Variants in KCND3 observed in about 807,000 individuals in gnomAD.
KCND3 encodes the protein potassium voltage-gated channel subfamily D member 3.
Under a neutral mutation model 51.1 loss-of-function variants are expected in KCND3, and 9 were observed. That is an observed-to-expected ratio of 0.18 (90% CI 0.11 to 0.31). The LOEUF (loss-of-function observed/expected upper bound fraction) is 0.31, where lower values mean the gene tolerates loss of function less well. Ranked by LOEUF, KCND3 falls within the 10% of genes least tolerant of loss-of-function variation. The pLI, the probability that KCND3 is intolerant of heterozygous loss-of-function variation, is 1.00. For missense variants in KCND3, 526 were observed against 903.8 expected (o/e 0.58, Z 5.36); for synonymous variants, 349 against 368.0 (o/e 0.95, Z 0.59).
chr1:111,921,814 G>A (rs1671487136), intron 2 of KCND3, among the ~76,000 whole-genome samples: 2 of 151,730 alleles, frequency 1.3e-5, no homozygotes, highest in African/African-American at 4.8e-5. Flanking sequence ...TTCATTGCAT[G>A]AAAAAAAAGC....
At chr1:111,818,844 T>C (rs1460084942) in intron 2 of KCND3, among the ~76,000 whole-genome samples, 5 of 152,018 alleles carry the variant, frequency 3.3e-5, no homozygotes, top group African/African-American at 4.8e-5. Context: ...CTGGGGCTGG[T>C]CCCTGAGGCA....
intron 2 of KCND3, among the ~76,000 whole-genome samples, chr1:111,829,739 T>G (rs771469818): frequency 1.3e-5 from 2 of 152,112 alleles, no homozygotes; most frequent in African/African-American, 4.8e-5. Flanking sequence ...ACTGGACATC[T>G]CCACCCAAAT....
intron 2 of KCND3, among the ~76,000 whole-genome samples, chr1:111,882,410 C>T (rs916274986): frequency 2.0e-5 from 3 of 152,222 alleles, no homozygotes; most frequent in African/African-American, 7.2e-5. Flanking sequence ...TGACCTGCTG[C>T]TGGTCTTCCC....
At chr1:111,787,716 A>C (rs758271206) in intron 2 of KCND3, among the ~76,000 whole-genome samples, 1 of 152,166 alleles carries the variant, frequency 6.6e-6, no homozygotes, top group Non-Finnish European at 1.5e-5. Context: ...CAAAAGAGTA[A>C]CAGAATCTCA....
chr1:111,984,567 A>G (rs927489678), intron 1 of KCND3, among the ~76,000 whole-genome samples: 5 of 152,128 alleles, frequency 3.3e-5, no homozygotes, highest in African/African-American at 1.2e-4. Context: ...CCTGAAATCC[A>G]TTCTGCTCAG....
chr1:111,870,586 C>T (rs552960711), intron 2 of KCND3, among the ~76,000 whole-genome samples: 9 of 152,250 alleles, frequency 5.9e-5, no homozygotes, highest in African/African-American at 1.7e-4. Context: ...AGCTAGGGTG[C>T]CTTGTTAAGA....
chr1:111,845,143 G>T (rs1208830893), intron 2 of KCND3, among the ~76,000 whole-genome samples: 1 of 152,102 alleles, frequency 6.6e-6, no homozygotes, highest in Non-Finnish European at 1.5e-5. Flanking sequence ...TAAATCCAGT[G>T]GGCGCTCTTC....
chr1:111,935,753 T>C (rs768047736), intron 2 of KCND3, among the ~76,000 whole-genome samples: 10 of 152,194 alleles, frequency 6.6e-5, no homozygotes, highest in Non-Finnish European at 1.3e-4. Context: ...ACCCTGTTCA[T>C]GTTTGTGGAA....
intron 2 of KCND3, among the ~76,000 whole-genome samples, chr1:111,924,695 A>C (rs563637920): frequency 8.5e-5 from 13 of 152,362 alleles, no homozygotes; most frequent in African/African-American, 3.1e-4. Flanking sequence ...GGGCTGCCGT[A>C]GCTCAGGGCT....
At chr1:111,828,550 C>G (rs1175940440) in intron 2 of KCND3, among the ~76,000 whole-genome samples, 33 of 152,280 alleles carry the variant, frequency 2.2e-4, no homozygotes, top group Non-Finnish European at 7.4e-5. Context: ...CTGGAAGGCT[C>G]AGAGGCATTT....
intron 2 of KCND3, among the ~76,000 whole-genome samples, chr1:111,795,930 A>G (rs193160243): frequency 7.4e-4 from 113 of 152,336 alleles, no homozygotes; most frequent in African/African-American, 2.6e-3. Context: ...TATTTCTCAA[A>G]TGATCAATGA....
chr1:111,985,407 T>C (rs1191614918), intron 1 of KCND3, among the ~76,000 whole-genome samples: 1 of 151,928 alleles, frequency 6.6e-6, no homozygotes, highest in Non-Finnish European at 1.5e-5. Context: ...CAATGTGGAG[T>C]TCAAGAGTAC....
chr1:111,945,400 A>G (rs1276743461), intron 2 of KCND3, among the ~76,000 whole-genome samples: 1 of 152,206 alleles, frequency 6.6e-6, no homozygotes, highest in African/African-American at 2.4e-5. Flanking sequence ...TTCTATGGCT[A>G]TCTCCCACTA....
At chr1:111,945,133 C>G (rs1292171701) in intron 2 of KCND3, among the ~76,000 whole-genome samples, 1 of 152,188 alleles carries the variant, frequency 6.6e-6, no homozygotes, top group African/African-American at 2.4e-5. Context: ...CTGTGGAGAG[C>G]AGAAGTCAGC....
At chr1:111,840,420 CTA>C (rs1667275306) in intron 2 of KCND3, among the ~76,000 whole-genome samples, 3 of 151,948 alleles carry the variant, frequency 2.0e-5, no homozygotes, top group African/African-American at 7.3e-5. Flanking sequence ...ATTGGTTCCT[CTA>C]TGTTAGGTCA....
intron 2 of KCND3, among the ~76,000 whole-genome samples, chr1:111,823,993 G>T (rs1483936986): frequency 1.3e-5 from 2 of 152,138 alleles, no homozygotes; most frequent in African/African-American, 4.8e-5. Flanking sequence ...GAGTAGTGTG[G>T]TCCCCAGGGA....
rs1477992924 is a variant in KCND3, at chr1:111,866,895, C to G, written c.1107-79789G>C. On this transcript the variant is annotated intron_variant, in intron 2 of 7. Transcript: ENST00000302127. Reference sequence around the variant, plus strand: ...TACAACTAATCACCAGTGCCAGCACCATTGGATTAAATATGCAGCTTCCCA... The same window carrying G: ...TACAACTAATCACCAGTGCCAGCACGATTGGATTAAATATGCAGCTTCCCA... Among the ~76,000 whole-genome samples, 5 of 152,174 alleles carry G rather than the reference C, an allele frequency of 3.3e-5. No individual in the cohort carries two copies. In the East Asian group the frequency reaches 9.6e-4, roughly 29 times the overall value.
intron 2 of KCND3, among the ~76,000 whole-genome samples, chr1:111,879,253 C>T (rs991049523): frequency 6.6e-6 from 1 of 152,176 alleles, no homozygotes; most frequent in African/African-American, 2.4e-5. Context: ...TGTTTCCCTG[C>T]AGAACCCTGA....
intron 2 of KCND3, among the ~76,000 whole-genome samples, chr1:111,942,553 C>T (rs1672576225): frequency 6.6e-6 from 1 of 152,190 alleles, no homozygotes; most frequent in African/African-American, 2.4e-5. Context: ...CCCCACAGTT[C>T]CTACAGGTCT....
Sources: gnomAD v4.1 joint callset for allele counts (sites outside exome capture counted in the v4.1 genomes callset) on GRCh38, gnomAD v4.1.1 for gene constraint, MANE v1.5 for transcripts, NCBI Gene and HGNC (gene_info 2026-07-23, HGNC 2026-07-21) for gene names.